The following ITGA11 variants were observed in gnomAD, a reference collection of about 807,000 sequenced individuals.
ITGA11 encodes integrin alpha-11.
In ITGA11, 97 loss-of-function variants were observed where a neutral mutation model predicts 141.9. The ratio of observed to expected loss-of-function variants is 0.68; its 90% CI spans 0.58 to 0.81. The LOEUF is 0.81. ITGA11 is among the 30% of genes least tolerant of loss of function. The probability of loss-of-function intolerance (pLI) is 0.00; values close to 1 mark genes in which losing one functional copy is unlikely to be tolerated. For synonymous variants in ITGA11, 658 were observed against 624.6 expected (o/e 1.05, Z -0.80); for missense variants, 1,387 against 1,559.2 (o/e 0.89, Z 1.86).
At chr15:68,427,012 C>CAAAA (rs148867034) in intron 1 of ITGA11, among the ~76,000 whole-genome samples, 1 of 47,784 alleles carries the variant, frequency 2.1e-5, no homozygotes, top group Non-Finnish European at 3.5e-5. Flanking sequence ...AAGACTGTCT[C>CAAAA]AAAAAAAAAA....
rs1024691549 is a variant in ITGA11, at chr15:68,432,072, G to A, written c.-6C>T. Reference sequence around the variant, plus strand: ...AGGCCCCTGGGCAGGTCCATGGCCCGCGGCACGGCGGCTGGGTCCGGTGTG... The same window carrying A: ...AGGCCCCTGGGCAGGTCCATGGCCCACGGCACGGCGGCTGGGTCCGGTGTG... On this transcript the variant is annotated 5_prime_UTR_variant, in exon 1 of 30. Coordinates refer to ENST00000315757, the MANE Select transcript of ITGA11 (RefSeq NM_001004439.2). The A allele has an allele frequency of 1.5e-6, 2 of 1,368,368 alleles. No individual in the cohort carries two copies. Among genetic ancestry groups the A allele is most frequent in the South Asian group, 4.0e-5 (2 of 49,734 alleles). The allele number at this position is 1,368,368 out of a possible 1,614,324, so 84.8% of individuals were successfully genotyped here. A position where few individuals can be genotyped will look rare whatever the true frequency, so the allele number is the denominator to read the frequency against.
intron 2 of ITGA11, among the ~76,000 whole-genome samples, chr15:68,369,820 C>T (rs1450788410): frequency 6.6e-6 from 1 of 152,244 alleles, no homozygotes; most frequent in African/African-American, 2.4e-5. Context: ...TGCCATGCAG[C>T]TGGGGCTCCT....
At position 68,400,658 on chromosome 15, in the gene ITGA11, AAATATATTATATATTATATAATAAAT is replaced by A. The variant is rs1896456421; in HGVS notation, c.164+2234_164+2259del. On this transcript the variant is annotated intron_variant, in intron 2 of 29. Transcript: ENST00000315757. ...ATTATAATATTATATATTATATAAT[AAATATATTATATATTATATAATAAAT>A]ATTATATTATATATTATATAATAAA... Among the ~76,000 whole-genome samples, 2 of 54,600 alleles carry A rather than the reference AAATATATTATATATTATATAATAAAT, an allele frequency of 3.7e-5. 1 individual carries two copies. The highest frequency in any genetic ancestry group is 2.1e-4 in the African/African-American group (2 of 9,400). 35.8% of individuals were successfully genotyped at this position (54,600 alleles called of 152,430 possible).
chr15:68,331,207 C>G (rs1328841219), intron 14 of ITGA11, 96 bp from the exon 15 acceptor site: 2 of 1,195,872 alleles, frequency 1.7e-6, no homozygotes, highest in African/African-American at 1.5e-5. Flanking sequence ...CAATAGGGAG[C>G]CTGTGTGAAA....
intron 14 of ITGA11, 95 bp from the exon 15 acceptor site, chr15:68,331,206 G>T: frequency 8.3e-7 from 1 of 1,210,398 alleles, no homozygotes; most frequent in South Asian, 1.3e-5. Flanking sequence ...ACAATAGGGA[G>T]CCTGTGTGAA....
chr15:68,410,492 CA>C (rs1896748801), intron 1 of ITGA11, among the ~76,000 whole-genome samples: 1 of 151,964 alleles, frequency 6.6e-6, no homozygotes, highest in Non-Finnish European at 1.5e-5. Context: ...CTGGCCTAGG[CA>C]AAAAGATATG....
Position 68,431,029 on chromosome 15 carries a change from C to G in ITGA11, c.52+986G>C, listed in dbSNP as rs190181890. On this transcript the variant is annotated intron_variant, in intron 1 of 29. Coordinates refer to ENST00000315757, the MANE Select transcript of ITGA11 (RefSeq NM_001004439.2). The stretch of plus-strand genomic sequence containing the variant: ...ACGCAGAAGGGGAGGCAAGGTTGAG[C>G]GCCCACACCCGGCCAGTAACCGAGG... Among the ~76,000 whole-genome samples the G allele has an allele frequency of 2.0e-5, 3 of 152,368 alleles. No individual in the cohort carries two copies. In the East Asian group the frequency reaches 5.8e-4, roughly 29 times the overall value.
At position 68,308,752 on chromosome 15, in the gene ITGA11, AAAAGAAAAG is replaced by A. The variant is rs1457774661; in HGVS notation, c.3175-1065_3175-1057del. The stretch of plus-strand genomic sequence containing the variant: ...GCCAGACTCTGTCTCAAAAGAAAAG[AAAAGAAAAG>A]AAAGAAAAGAAAAGAAAAGAAAAGG... On this transcript the variant is annotated intron_variant, in intron 26 of 29. Transcript: ENST00000315757. The surrounding 1 kb of genome is among the most constrained non-coding windows in gnomAD (Gnocchi z 5.2). 0.18 allele frequency among the ~76,000 whole-genome samples: 848 copies of A among 4,822 alleles called. 12 individuals are homozygous for A. The highest frequency in any genetic ancestry group is 0.25 in the Middle Eastern group (1 of 4). 3.2% of individuals were successfully genotyped at this position (4,822 alleles called of 152,430 possible). A position where few individuals can be genotyped will look rare whatever the true frequency, so the allele number is the denominator to read the frequency against.
chr15:68,343,007 CTCTCTCTCTCT>C (rs1894622081), intron 10 of ITGA11, among the ~76,000 whole-genome samples: 1 of 34,738 alleles, frequency 2.9e-5, no homozygotes, highest in Non-Finnish European at 7.2e-5. Flanking sequence ...TTCTCTCTCT[CTCTCTCTCTCT>C]CTCTCTCTCT....
chr15:68,374,255 TC>T (rs1895670900), intron 2 of ITGA11, among the ~76,000 whole-genome samples: 1 of 152,220 alleles, frequency 6.6e-6, no homozygotes, highest in African/African-American at 2.4e-5. Context: ...CATAAAACTT[TC>T]CCCTGGCCTA....
rs759707126 is a variant in ITGA11 at position 68,325,115 on chromosome 15, C to T, written c.2322+16G>A. 6.3e-7 allele frequency: 1 copy of T among 1,597,836 alleles called. No homozygotes were observed. Among genetic ancestry groups the T allele is most frequent in the East Asian group, 2.2e-5 (1 of 44,786 alleles). ...GGGGTTCATGCCCGAGGTGCGTGCC[C>T]TGTACCGAGATGTACCGAGACTCTG... On this transcript the variant is annotated intron_variant, in intron 18 of 29. Coordinates refer to ENST00000315757, the MANE Select transcript of ITGA11 (RefSeq NM_001004439.2). This position sits in a 1 kb window ranked among gnomAD's most constrained non-coding sequence, Gnocchi z 5.5.
rs571844340 is a variant in ITGA11 at position 68,325,798 on chromosome 15, G to A, written c.2212-557C>T. 1.1e-4 allele frequency among the ~76,000 whole-genome samples: 17 copies of A among 152,320 alleles called. No individual in the cohort carries two copies. The highest frequency in any genetic ancestry group is 4.1e-4 in the African/African-American group (17 of 41,574). ...TTCTGAGCATAGATGGTAAGTAAAG[G>A]GGTTGCTTAGAGCAGCCTAAAAATT... On this transcript the variant is annotated intron_variant, in intron 17 of 29. Coordinates refer to ENST00000315757, the MANE Select transcript of ITGA11 (RefSeq NM_001004439.2). This position sits in a 1 kb window ranked among gnomAD's most constrained non-coding sequence, Gnocchi z 5.5.
intron 1 of ITGA11, among the ~76,000 whole-genome samples, chr15:68,430,426 C>T (rs1897242686): frequency 6.6e-6 from 1 of 152,196 alleles, no homozygotes. Flanking sequence ...CAAGATTGAA[C>T]AGCTAGCAGG....
At position 68,321,536 on chromosome 15, in the gene ITGA11, G is replaced by A. The variant is rs1426647404; in HGVS notation, c.2323-33C>T. ...AGGGAGAGCCAGGTGTGGGCAGCTG[G>A]GTAGGGACCCGCAGCCCCTCGCCCT... On this transcript the variant is annotated intron_variant, in intron 18 of 29. Coordinates refer to ENST00000315757, the MANE Select transcript of ITGA11 (RefSeq NM_001004439.2). This position sits in a 1 kb window ranked among gnomAD's most constrained non-coding sequence, Gnocchi z 4.9. The A allele has an allele frequency of 3.4e-6, 5 of 1,486,542 alleles. No homozygotes were observed. The Admixed American group carries it at 5.6e-5, about 17-fold the overall frequency. 92.1% of individuals were successfully genotyped at this position (1,486,542 alleles called of 1,614,324 possible). A position where few individuals can be genotyped will look rare whatever the true frequency, so the allele number is the denominator to read the frequency against.
chr15:68,344,579 C>T (rs140570498), intron 10 of ITGA11, among the ~76,000 whole-genome samples: 3 of 152,082 alleles, frequency 2.0e-5, no homozygotes, highest in Admixed American at 2.0e-4. Context: ...CAGAGGGGGA[C>T]TAGACTCGAA....
chr15:68,417,149 G>C (rs1248976865), intron 1 of ITGA11, among the ~76,000 whole-genome samples: 1 of 152,008 alleles, frequency 6.6e-6, no homozygotes, highest in Non-Finnish European at 1.5e-5. Context: ...TGCCCTTTGA[G>C]CCCCACAATC....
Position 68,365,355 on chromosome 15 carries a change from A to G in ITGA11, c.266-557T>C. The G allele has an allele frequency of 3.0e-6, 3 of 986,900 alleles. No individual in the cohort carries two copies. The East Asian group carries it at 3.4e-4, about 111-fold the overall frequency. 61.1% of individuals were successfully genotyped at this position (986,900 alleles called of 1,614,324 possible). On this transcript the variant is annotated intron_variant, in intron 3 of 29. Transcript: ENST00000315757. ...CAGAGCTGCCAGGCCTTGCCCAGGA[A>G]TGCCATTCTGAAGGAGGCTGCCAAG... is the stretch of plus-strand genomic sequence containing the variant.
Position 68,358,457 on chromosome 15 carries a change from C to T in ITGA11, c.600+1G>A, listed in dbSNP as rs754172501. 10 of 1,606,968 alleles carry T rather than the reference C, an allele frequency of 6.2e-6. No individual in the cohort carries two copies. The highest frequency in any genetic ancestry group is 1.1e-5 in the South Asian group (1 of 89,238). On this transcript the variant is annotated splice_donor_variant, in intron 6 of 29. Coordinates refer to ENST00000315757, the MANE Select transcript of ITGA11 (RefSeq NM_001004439.2). LOFTEE classifies it high-confidence loss of function. ...GTGGAAAGAGCCCAAGAGATGCTCA[C>T]CTGGATCTGCCCTGGGCCAATGTAA...
chr15:68,335,598 G>A lies in ITGA11; in HGVS notation c.1425+99C>T. On this transcript the variant is annotated intron_variant, in intron 12 of 29. Transcript: ENST00000315757. This position sits in a 1 kb window ranked among gnomAD's most constrained non-coding sequence, Gnocchi z 4.9. Reference sequence around the variant, plus strand: ...TGGAGGAACATGACTGCCCTTTGGGGCACCCAGTGGTCCAGGCATGCCTGT... The same window carrying A: ...TGGAGGAACATGACTGCCCTTTGGGACACCCAGTGGTCCAGGCATGCCTGT... The A allele has an allele frequency of 6.5e-6, 9 of 1,375,572 alleles. No individual in the cohort carries two copies. The highest frequency in any genetic ancestry group is 9.0e-6 in the Non-Finnish European group (9 of 996,202). 85.2% of individuals were successfully genotyped at this position (1,375,572 alleles called of 1,614,324 possible). A position where few individuals can be genotyped will look rare whatever the true frequency, so the allele number is the denominator to read the frequency against.
Sources: allele counts gnomAD v4.1 joint callset (sites outside exome capture counted in the v4.1 genomes callset), GRCh38; gene constraint gnomAD v4.1.1; non-coding constraint Gnocchi (gnomAD v3.1); transcripts MANE v1.5; gene names NCBI Gene and HGNC (gene_info 2026-07-23, HGNC 2026-07-21).